ZDHHC15: variants seen among roughly 807,000 people sequenced by gnomAD.
The protein encoded by ZDHHC15 is zDHHC palmitoyltransferase 15.
Under a neutral mutation model 31.7 loss-of-function variants are expected in ZDHHC15, and 19 were observed. The ratio of observed to expected loss-of-function variants is 0.60; its 90% CI spans 0.42 to 0.88. The LOEUF is 0.88. Ranked by LOEUF, ZDHHC15 falls within the 40% of genes least tolerant of loss-of-function variation. ZDHHC15 has a pLI of 0.00. For missense variants in ZDHHC15, 209 were observed against 251.2 expected (o/e 0.83, Z 1.14); for synonymous variants, 103 against 90.0 (o/e 1.14, Z -0.82).
rs368146129 is a variant in ZDHHC15 at position 75,507,358 on chromosome X, AT to A, written c.137-1512del. ...TTGTGTAGGAAGTAAGTCCAAGGGA[AT>A]TTTTTTTTTTTGCAAACTTCCCTTT... On this transcript the variant is annotated intron_variant, in intron 1 of 11. Transcript: ENST00000373367. Among the ~76,000 whole-genome samples the A allele has an allele frequency of 1.4e-3, 147 of 103,716 alleles. 2 individuals carry two copies. The highest frequency in any genetic ancestry group is 5.6e-4 in the Non-Finnish European group (28 of 50,107). 90.1% of individuals were successfully genotyped at this position (103,716 alleles called of 115,157 possible). A position where few individuals can be genotyped will look rare whatever the true frequency, so the allele number is the denominator to read the frequency against.
intron 2 of ZDHHC15, among the ~76,000 whole-genome samples, chrX:75,491,308 G>A (rs1341594124): frequency 1.4e-4 from 15 of 109,563 alleles, no homozygotes; most frequent in African/African-American, 5.0e-4. Context: ...AAAAAATGAT[G>A]AGTTCATGTC....
intron 4 of ZDHHC15, among the ~76,000 whole-genome samples, chrX:75,443,245 C>CTGTTTTGGTACCAAAACAGCATGG (rs2083972873): frequency 9.2e-6 from 1 of 109,110 alleles, no homozygotes; most frequent in African/African-American, 3.3e-5. Context: ...AAACAGCATG[C>CTGTTTTGGTACCAAAACAGCATGG]TACTGTTTTG....
intron 3 of ZDHHC15, among the ~76,000 whole-genome samples, chrX:75,455,418 G>C (rs190706298): frequency 9.0e-6 from 1 of 111,596 alleles, no homozygotes; most frequent in Non-Finnish European, 1.9e-5. Flanking sequence ...AAAAACCCTA[G>C]AAGAAAACCT....
At chrX:75,472,139 C>T (rs2084511865) in intron 3 of ZDHHC15, among the ~76,000 whole-genome samples, 1 of 111,754 alleles carries the variant, frequency 8.9e-6, no homozygotes, top group African/African-American at 3.3e-5. Context: ...GACAAAGTAG[C>T]TCAAATGCCC....
At chrX:75,516,103 G>T (rs1246261364) in intron 1 of ZDHHC15, among the ~76,000 whole-genome samples, 1 of 111,741 alleles carries the variant, frequency 8.9e-6, no homozygotes, top group Non-Finnish European at 1.9e-5. Context: ...ACAAATGGAA[G>T]AATATTCCAT....
intron 4 of ZDHHC15, among the ~76,000 whole-genome samples, chrX:75,440,619 G>T (rs947075009): frequency 1.8e-5 from 2 of 112,480 alleles, no homozygotes; most frequent in African/African-American, 6.5e-5. Context: ...GAGTTGGTTG[G>T]CCTCCAGCCA....
At chrX:75,477,675 C>G (rs1395682762) in intron 3 of ZDHHC15, among the ~76,000 whole-genome samples, 9 of 111,065 alleles carry the variant, frequency 8.1e-5, no homozygotes, top group Admixed American at 7.7e-4. Flanking sequence ...ATATAACCAC[C>G]CTTGCTCTGT....
At chrX:75,466,171 T>A (rs1339578352) in intron 3 of ZDHHC15, among the ~76,000 whole-genome samples, 1 of 111,948 alleles carries the variant, frequency 8.9e-6, no homozygotes, top group African/African-American at 3.2e-5. Context: ...AAGACATAGA[T>A]GTGGCCAAAA....
At chrX:75,489,532 T>C (rs1297191825) in intron 2 of ZDHHC15, among the ~76,000 whole-genome samples, 1 of 112,060 alleles carries the variant, frequency 8.9e-6, no homozygotes, top group Non-Finnish European at 1.9e-5. Context: ...CTGAGGGTCC[T>C]CACTGTTAGA....
In ZDHHC15 at chrX:75,372,540, C is replaced by A. The variant is rs1328830340; in HGVS notation, c.*438G>T. ...ACGTGTTCACAAATGCACACGCACA[C>A]AAGCAGCAAATGTAGTTTGATTCCC... On this transcript the variant is annotated 3_prime_UTR_variant, in exon 12 of 12. Coordinates refer to ENST00000373367, the MANE Select transcript of ZDHHC15 (RefSeq NM_144969.3). 9.0e-6 allele frequency: 1 copy of A among 111,587 alleles called. No homozygotes were observed. Among genetic ancestry groups the A allele is most frequent in the East Asian group, 2.8e-4 (1 of 3,561 alleles). 9.2% of individuals were successfully genotyped at this position (111,587 alleles called of 1,213,427 possible). A position where few individuals can be genotyped will look rare whatever the true frequency, so the allele number is the denominator to read the frequency against.
chrX:75,424,612 C>T (rs376637014), intron 8 of ZDHHC15, 40 bp downstream of exon 8: 3 of 1,159,312 alleles, frequency 2.6e-6, no homozygotes, highest in African/African-American at 1.8e-5. Flanking sequence ...CTCTGATACA[C>T]ATTAATATGT....
At chrX:75,435,597 A>G (rs1435588802) in intron 4 of ZDHHC15, among the ~76,000 whole-genome samples, 1 of 112,178 alleles carries the variant, frequency 8.9e-6, no homozygotes, top group East Asian at 2.8e-4. Context: ...TATTGAGATG[A>G]TCATGTGATT....
chrX:75,454,674 T>C (rs1201993092), intron 3 of ZDHHC15, among the ~76,000 whole-genome samples: 3 of 111,608 alleles, frequency 2.7e-5, no homozygotes, highest in African/African-American at 6.5e-5. Context: ...TTGGGACAAG[T>C]TAACGGGTGG....
chrX:75,478,116 A>G (rs1044168754), intron 3 of ZDHHC15, among the ~76,000 whole-genome samples: 4 of 111,941 alleles, frequency 3.6e-5, no homozygotes, highest in Non-Finnish European at 7.5e-5. Context: ...GCCTGATATA[A>G]TCACAAATTA....
intron 9 of ZDHHC15, among the ~76,000 whole-genome samples, chrX:75,419,680 C>T (rs2083597962): frequency 9.1e-6 from 1 of 109,656 alleles, no homozygotes; most frequent in Non-Finnish European, 1.9e-5. Flanking sequence ...TTCACAATAG[C>T]AAAGACTTGG....
intron 2 of ZDHHC15, among the ~76,000 whole-genome samples, chrX:75,479,620 C>T (rs749976363): frequency 3.3e-3 from 369 of 111,622 alleles, no homozygotes; most frequent in Admixed American, 6.4e-3. Flanking sequence ...GAATAATGTA[C>T]ATTGTACCTA....
At chrX:75,378,701 G>C (rs976700695) in intron 11 of ZDHHC15, among the ~76,000 whole-genome samples, 1 of 111,623 alleles carries the variant, frequency 9.0e-6, no homozygotes, top group African/African-American at 3.3e-5. Context: ...TAGGAAGGAT[G>C]CTTTTTTGCC....
chrX:75,510,167 T>C (rs989327473), intron 1 of ZDHHC15, among the ~76,000 whole-genome samples: 1 of 111,953 alleles, frequency 8.9e-6, no homozygotes, highest in African/African-American at 3.2e-5. Flanking sequence ...ATGATCGTAA[T>C]ACTTACTTAG....
intron 1 of ZDHHC15, among the ~76,000 whole-genome samples, chrX:75,508,267 G>A (rs2085200037): frequency 1.9e-5 from 2 of 104,387 alleles, no homozygotes; most frequent in Non-Finnish European, 3.9e-5. Context: ...TTTACATTAG[G>A]TATATCTCCT....
Sources: allele counts gnomAD v4.1 joint callset (sites outside exome capture counted in the v4.1 genomes callset), GRCh38; gene constraint gnomAD v4.1.1; transcripts MANE v1.5; gene names NCBI Gene and HGNC (gene_info 2026-07-23, HGNC 2026-07-21).